Variants in PKDREJ observed in about 807,000 individuals in gnomAD.
PKDREJ encodes PKD and REJ homolog.
For synonymous variants in PKDREJ, 1,031 were observed against 1,095.5 expected (o/e 0.94, Z 1.16); for missense variants, 2,507 against 2,807.2 (o/e 0.89, Z 2.42).
Position 46,258,300 on chromosome 22 carries a change from C to G in PKDREJ, c.5023G>C (p.Asp1675His). 6.2e-7 allele frequency: 1 copy of G among 1,614,146 alleles called. No individual in the cohort carries two copies. Among genetic ancestry groups the G allele is most frequent in the Non-Finnish European group, 8.5e-7 (1 of 1,180,042 alleles). ...MHPEEMQRIH[D>H]QIVRIRGTRM... is the part of the protein sequence containing the mutation. ...GTGCCTCGGATTCGGACGATCTGGT[C>G]ATGTATCCTCTGCATTTCTTCTGGA... The change falls in exon 1 of 1, where the codon GAC becomes CAC. Residue 1675 changes from aspartate (D) to histidine (H), a missense_variant. Asp to His is a moderately conservative substitution (Grantham distance 81). Transcript: ENST00000253255. The surrounding 1 kb of genome is among the most constrained non-coding windows in gnomAD (Gnocchi z 6.1).
rs2147772952 is a variant in PKDREJ, at chr22:46,256,336, A to G, written c.*225T>C. The stretch of plus-strand genomic sequence containing the variant: ...AAAGGGAAATCAGTCCAGGAATCCC[A>G]CACTGTGATCCTGCTGTCTCCCCAG... On this transcript the variant is annotated 3_prime_UTR_variant, in exon 1 of 1. Coordinates refer to ENST00000253255, the MANE Select transcript of PKDREJ (RefSeq NM_006071.2). The surrounding 1 kb of genome is among the most constrained non-coding windows in gnomAD (Gnocchi z 5.3). 1 of 647,616 alleles carries G rather than the reference A, an allele frequency of 1.5e-6. No homozygotes were observed. The highest frequency in any genetic ancestry group is 2.5e-6 in the Non-Finnish European group (1 of 399,580). The allele number at this position is 647,616 out of a possible 1,614,324, so 40.1% of individuals were successfully genotyped here. A position where few individuals can be genotyped will look rare whatever the true frequency, so the allele number is the denominator to read the frequency against.
At position 46,260,988 on chromosome 22, in the gene PKDREJ, T is replaced by C. The variant is rs750827724; in HGVS notation, c.2335A>G (p.Met779Val). The change falls in exon 1 of 1, where the codon ATG (methionine) becomes GTG (valine). Residue 779 changes from methionine (M) to valine (V), a missense_variant. Transcript: ENST00000253255. The surrounding 1 kb of genome is among the most constrained non-coding windows in gnomAD (Gnocchi z 4.5). The part of the protein sequence containing the change: ...FTWDAQKRAT[M>V]RVWQANQALQ... ...GCTTGATTTGCTTGCCATACCCTCATGGTGGCACGTTTCTGAGCATCCCAA... is the reference window on the plus strand; with the variant it reads ...GCTTGATTTGCTTGCCATACCCTCACGGTGGCACGTTTCTGAGCATCCCAA... 9 of 1,614,096 alleles carry C rather than the reference T, an allele frequency of 5.6e-6. No homozygotes were observed. Among genetic ancestry groups the C allele is most frequent in the South Asian group, 1.1e-5 (1 of 91,084 alleles).
chr22:46,258,671 T>G lies in PKDREJ; in HGVS notation c.4652A>C (p.His1551Pro). 6.2e-7 allele frequency: 1 copy of G among 1,614,224 alleles called. No individual in the cohort carries two copies. Among genetic ancestry groups the G allele is most frequent in the South Asian group, 1.1e-5 (1 of 91,082 alleles). Residue 1551 changes from histidine to proline, a missense_variant, in exon 1 of 1, where the codon CAT becomes CCT. By Grantham distance (77) the His-to-Pro change is moderately conservative. Transcript: ENST00000253255. The surrounding 1 kb of genome is among the most constrained non-coding windows in gnomAD (Gnocchi z 6.1). ...CTTTTGGGAAGGGTGCTGTTCGGAA[T>G]GGACATCCTGATCATCTTCTATGTT... Reference protein sequence around the residue: ...NNNIEDDQDVHSEQHPSQKDL... With the variant: ...NNNIEDDQDVPSEQHPSQKDL...
At position 46,259,351 on chromosome 22, in the gene PKDREJ, A is replaced by C; in HGVS notation, c.3972T>G (p.Ile1324Met). ...GCCATTTCTGGCATATGAACAGCCA[A>C]ATGTGCCTGCTAAACAGATTTTCCA... ...IKVENLFSRH[I>M]WLFICQKWLS... Residue 1324 changes from isoleucine (I) to methionine (M), a missense_variant, in exon 1 of 1, where the codon ATT becomes ATG. Transcript: ENST00000253255. This position sits in a 1 kb window ranked among gnomAD's most constrained non-coding sequence, Gnocchi z 6.8. 1 of 1,614,210 alleles carries C rather than the reference A, an allele frequency of 6.2e-7. No homozygotes were observed. The highest frequency in any genetic ancestry group is 1.6e-4 in the Middle Eastern group (1 of 6,062).
At position 46,262,689 on chromosome 22, in the gene PKDREJ, T is replaced by C. The variant is rs1174358626; in HGVS notation, c.634A>G (p.Ile212Val). ...RAVESSVSCQ[I>V]NACVIQRVRI... ...ACGCGCTGGATGACGCAGGCGTTTA[T>C]CTGACAGGACACGGACGACTCGACG... Residue 212 changes from isoleucine (I) to valine (V), a missense_variant, in exon 1 of 1, where the codon ATA becomes GTA. Transcript: ENST00000253255. This position sits in a 1 kb window ranked among gnomAD's most constrained non-coding sequence, Gnocchi z 8.1. 1 of 1,613,116 alleles carries C rather than the reference T, an allele frequency of 6.2e-7. No homozygotes were observed. The highest frequency in any genetic ancestry group is 8.5e-7 in the Non-Finnish European group (1 of 1,179,754).
chr22:46,258,364 A>G lies in PKDREJ; in HGVS notation c.4959T>C (p.Tyr1653=), dbSNP rs754842412. The change falls in exon 1 of 1, where the codon TAT becomes TAC. Residue 1653 remains tyrosine, a synonymous_variant. Coordinates refer to ENST00000253255, the MANE Select transcript of PKDREJ (RefSeq NM_006071.2). This position sits in a 1 kb window ranked among gnomAD's most constrained non-coding sequence, Gnocchi z 6.1. ...CATCCAACCTGATCTCAGTATATTTATACTTGGTTGACCATGAAAGGTTTT... is the reference window on the plus strand; with the variant it reads ...CATCCAACCTGATCTCAGTATATTTGTACTTGGTTGACCATGAAAGGTTTT... ...YCKNLSWSTK[Y]KYTEIRLDGM... is the part of the protein sequence containing the mutation. 6.2e-7 allele frequency: 1 copy of G among 1,614,166 alleles called. No homozygotes were observed. Among genetic ancestry groups the G allele is most frequent in the Non-Finnish European group, 8.5e-7 (1 of 1,180,048 alleles).
At position 46,260,100 on chromosome 22, in the gene PKDREJ, A is replaced by G. The variant is rs762449335; in HGVS notation, c.3223T>C (p.Cys1075Arg). Residue 1075 changes from cysteine (C) to arginine (R), a missense_variant, in exon 1 of 1, where the codon TGT (cysteine) becomes CGT (arginine). Transcript: ENST00000253255. This position sits in a 1 kb window ranked among gnomAD's most constrained non-coding sequence, Gnocchi z 4.5. ...LIAQHSHSPH[C>R]TVSIVLQAPR... is the part of the protein sequence containing the mutation. ...GCCTGCAGAACTATGGATACAGTAC[A>G]GTGGGGAGAGTGGCTGTGCTGAGCT... 2.5e-6 allele frequency: 4 copies of G among 1,613,856 alleles called. No homozygotes were observed. The highest frequency in any genetic ancestry group is 3.4e-6 in the Non-Finnish European group (4 of 1,179,844).
In PKDREJ at chr22:46,263,003, G is replaced by A. The variant is rs1936717113; in HGVS notation, c.320C>T (p.Ala107Val). The A allele has an allele frequency of 4.0e-6, 5 of 1,250,780 alleles. No individual in the cohort carries two copies. The highest frequency in any genetic ancestry group is 3.2e-4 in the Middle Eastern group (1 of 3,124). The allele number at this position is 1,250,780 out of a possible 1,614,324, so 77.5% of individuals were successfully genotyped here. The change falls in exon 1 of 1, where the codon GCG becomes GTG. Residue 107 changes from alanine (A) to valine (V), a missense_variant. Coordinates refer to ENST00000253255, the MANE Select transcript of PKDREJ (RefSeq NM_006071.2). This position sits in a 1 kb window ranked among gnomAD's most constrained non-coding sequence, Gnocchi z 9.4. ...CAGGTCGACGAGCGCGAGCGCGGGC[G>A]CGGCCGGCCAGGGCAGGCGTTGGGC... ...LSAQRLPWPA[A>V]PALALVDLQL... is the part of the protein sequence containing the mutation.
chr22:46,258,124 G>C lies in PKDREJ; in HGVS notation c.5199C>G (p.His1733Gln), dbSNP rs1294211033. The C allele has an allele frequency of 1.2e-6, 2 of 1,613,992 alleles. No individual in the cohort carries two copies. The highest frequency in any genetic ancestry group is 2.2e-5 in the South Asian group (2 of 91,084). The change falls in exon 1 of 1, where the codon CAC becomes CAG. Residue 1733 changes from histidine to glutamine, a missense_variant. By Grantham distance (24) the His-to-Gln change is conservative. Coordinates refer to ENST00000253255, the MANE Select transcript of PKDREJ (RefSeq NM_006071.2). This position sits in a 1 kb window ranked among gnomAD's most constrained non-coding sequence, Gnocchi z 6.1. ...ACTGGTTATAGTAAAAGCAGTCAGT[G>C]TGACGTAGTAAGACGATAAGGATCA... ...LLLILIVLLR[H>Q]TDCFYYNQFI...
chr22:46,260,381 G>A lies in PKDREJ; in HGVS notation c.2942C>T (p.Thr981Met), dbSNP rs117787407. The A allele has an allele frequency of 1.9e-4, 303 of 1,614,162 alleles. No individual in the cohort carries two copies. The highest frequency in any genetic ancestry group is 2.3e-4 in the Non-Finnish European group (273 of 1,180,012). Reference protein sequence around the residue: ...NSEVDGSLKKTTGGFSFQVDS... With the variant: ...NSEVDGSLKKMTGGFSFQVDS... ...CACTTGAAAGCTAAACCCACCTGTC[G>A]TCTTCTTCAAGGACCCATCAACCTC... is the stretch of plus-strand genomic sequence containing the variant. Residue 981 changes from threonine (T) to methionine (M), a missense_variant, in exon 1 of 1, where the codon ACG (threonine) becomes ATG (methionine). By Grantham distance (81) the Thr-to-Met change is moderately conservative (BLOSUM62 -1). Transcript: ENST00000253255. The surrounding 1 kb of genome is among the most constrained non-coding windows in gnomAD (Gnocchi z 4.5).
At position 46,255,870 on chromosome 22, in the gene PKDREJ, T is replaced by C. The variant is rs1332211581; in HGVS notation, c.*691A>G. 1.3e-5 allele frequency: 2 copies of C among 152,308 alleles called. No individual in the cohort carries two copies. The highest frequency in any genetic ancestry group is 6.5e-5 in the Admixed American group (1 of 15,280). 9.4% of individuals were successfully genotyped at this position (152,308 alleles called of 1,614,324 possible). On this transcript the variant is annotated 3_prime_UTR_variant, in exon 1 of 1. Coordinates refer to ENST00000253255, the MANE Select transcript of PKDREJ (RefSeq NM_006071.2). ...TGCATATGTTGCTATATTCAGCATATAGACATATTTCAATGTGAACCCATA... is the reference window on the plus strand; with the variant it reads ...TGCATATGTTGCTATATTCAGCATACAGACATATTTCAATGTGAACCCATA...
Position 46,263,163 on chromosome 22 carries a change from G to A in PKDREJ, c.160C>T (p.Arg54Cys). The change falls in exon 1 of 1, where the codon CGC becomes TGC. Residue 54 changes from arginine (R) to cysteine (C), a missense_variant. Coordinates refer to ENST00000253255, the MANE Select transcript of PKDREJ (RefSeq NM_006071.2). This position sits in a 1 kb window ranked among gnomAD's most constrained non-coding sequence, Gnocchi z 9.4. The part of the protein sequence containing the change: ...GAPGLGVRGG[R>C]ALLSLRPSAV... ...CTGGGCCGCAGACTGAGGAGGGCGC[G>A]GCCGCCGCGCACCCCGAGGCCCGGG... is the stretch of plus-strand genomic sequence containing the variant. 8.0e-7 allele frequency: 1 copy of A among 1,249,108 alleles called. No homozygotes were observed. Among genetic ancestry groups the A allele is most frequent in the Non-Finnish European group, 1.0e-6 (1 of 1,000,240 alleles). 77.4% of individuals were successfully genotyped at this position (1,249,108 alleles called of 1,614,324 possible). A position where few individuals can be genotyped will look rare whatever the true frequency, so the allele number is the denominator to read the frequency against.
Position 46,262,262 on chromosome 22 carries a change from AG to A in PKDREJ, c.1060del (p.Leu354Ter). Reference protein sequence around the residue: ...ANITANFTEQLILDGSTSSDP... With the variant: ...ANITANFTEQXILDGSTSSDP... Reference sequence around the variant, plus strand: ...CGAGGACGTGGACCCGTCCAGAATCAGCTGCTCTGTGAAATTAGCTGTTATG... The same window carrying A: ...CGAGGACGTGGACCCGTCCAGAATCACTGCTCTGTGAAATTAGCTGTTATG... On this transcript the variant is annotated frameshift_variant, in exon 1 of 1. Coordinates refer to ENST00000253255, the MANE Select transcript of PKDREJ (RefSeq NM_006071.2). LOFTEE classifies it low-confidence loss of function (END_TRUNC). This position sits in a 1 kb window ranked among gnomAD's most constrained non-coding sequence, Gnocchi z 8.1. The A allele has an allele frequency of 1.2e-6, 2 of 1,614,202 alleles. No individual in the cohort carries two copies. The highest frequency in any genetic ancestry group is 1.7e-6 in the Non-Finnish European group (2 of 1,180,046).
In PKDREJ at chr22:46,261,443, G is replaced by T; in HGVS notation, c.1880C>A (p.Ser627Tyr). 1 of 1,614,110 alleles carries T rather than the reference G, an allele frequency of 6.2e-7. No individual in the cohort carries two copies. Among genetic ancestry groups the T allele is most frequent in the Non-Finnish European group, 8.5e-7 (1 of 1,180,022 alleles). Residue 627 changes from serine (S) to tyrosine (Y), a missense_variant, in exon 1 of 1, where the codon TCC becomes TAC. By Grantham distance (144) the Ser-to-Tyr change is moderately radical. Coordinates refer to ENST00000253255, the MANE Select transcript of PKDREJ (RefSeq NM_006071.2). This position sits in a 1 kb window ranked among gnomAD's most constrained non-coding sequence, Gnocchi z 7.1. ...LGTILYLGPQ[S>Y]TVPPSFLPVG... ...AGGGAGAAAGGAAGGGGGTACTGTGGACTGAGGCCCCAAGTACAGGATGGT... is the reference window on the plus strand; with the variant it reads ...AGGGAGAAAGGAAGGGGGTACTGTGTACTGAGGCCCCAAGTACAGGATGGT...
rs1380356238 is a variant in PKDREJ at position 46,262,846 on chromosome 22, C to G, written c.477G>C (p.Ala159=). The G allele has an allele frequency of 8.3e-7, 1 of 1,206,406 alleles. No individual in the cohort carries two copies. The highest frequency in any genetic ancestry group is 1.0e-6 in the Non-Finnish European group (1 of 964,290). The allele number at this position is 1,206,406 out of a possible 1,614,324, so 74.7% of individuals were successfully genotyped here. The change falls in exon 1 of 1, where the codon GCG becomes GCC. Residue 159 remains alanine, a synonymous_variant. Transcript: ENST00000253255. The surrounding 1 kb of genome is among the most constrained non-coding windows in gnomAD (Gnocchi z 8.1). ...CGGCGGAGCGCGGGGAGACGCGGGCCGCGGGGGAGGCCGGGCGGGCGGCGC... is the reference window on the plus strand; with the variant it reads ...CGGCGGAGCGCGGGGAGACGCGGGCGGCGGGGGAGGCCGGGCGGGCGGCGC... ...GPGAARPASP[A]ARVSPRSAAP...
rs768191805 is a variant in PKDREJ, at chr22:46,258,198, G to A, written c.5125C>T (p.Leu1709=). Residue 1709 remains leucine, a synonymous_variant, in exon 1 of 1, where the codon CTG becomes TTG. Transcript: ENST00000253255. The surrounding 1 kb of genome is among the most constrained non-coding windows in gnomAD (Gnocchi z 6.1). ...TGAGTTAGAATGTAACTCAGAAACAGGAGTGCTCTTCTCTTGATCCTCTTC... is the reference window on the plus strand; with the variant it reads ...TGAGTTAGAATGTAACTCAGAAACAAGAGTGCTCTTCTCTTGATCCTCTTC... The part of the protein sequence containing the change: ...RKKRIKRRAL[L]FLSYILTHFI... 3 of 1,614,158 alleles carry A rather than the reference G, an allele frequency of 1.9e-6. No individual in the cohort carries two copies. The highest frequency in any genetic ancestry group is 2.5e-6 in the Non-Finnish European group (3 of 1,180,002).
rs1340660104 is a variant in PKDREJ, at chr22:46,263,189, G to A, written c.134C>T (p.Ala45Val). 5 of 1,315,306 alleles carry A rather than the reference G, an allele frequency of 3.8e-6. No individual in the cohort carries two copies. In the African/African-American group the frequency reaches 7.9e-5, roughly 21 times the overall value. 81.5% of individuals were successfully genotyped at this position (1,315,306 alleles called of 1,614,324 possible). A position where few individuals can be genotyped will look rare whatever the true frequency, so the allele number is the denominator to read the frequency against. Residue 45 changes from alanine (A) to valine (V), a missense_variant, in exon 1 of 1, where the codon GCC becomes GTC. Physicochemically the swap from Ala to Val is moderately conservative, Grantham distance 64 (BLOSUM62 0). Coordinates refer to ENST00000253255, the MANE Select transcript of PKDREJ (RefSeq NM_006071.2). The surrounding 1 kb of genome is among the most constrained non-coding windows in gnomAD (Gnocchi z 9.4). ...GCCGCCGCGCACCCCGAGGCCCGGG[G>A]CGCCCCTGAGGAGGCCACCGGGCGC... ...SGAPGGLLRG[A>V]PGLGVRGGRA...
In PKDREJ at chr22:46,255,807, C is replaced by T. The variant is rs1936625969; in HGVS notation, c.*754G>A. 6.6e-6 allele frequency: 1 copy of T among 152,236 alleles called. No individual in the cohort carries two copies. The highest frequency in any genetic ancestry group is 1.5e-5 in the Non-Finnish European group (1 of 68,054). 9.4% of individuals were successfully genotyped at this position (152,236 alleles called of 1,614,324 possible). On this transcript the variant is annotated 3_prime_UTR_variant, in exon 1 of 1. Coordinates refer to ENST00000253255, the MANE Select transcript of PKDREJ (RefSeq NM_006071.2). ...CACATTTTCCTTATTCCTGAATAGTCCAGCACGCTATTAATAACCAAATGC... is the reference window on the plus strand; with the variant it reads ...CACATTTTCCTTATTCCTGAATAGTTCAGCACGCTATTAATAACCAAATGC...
chr22:46,261,985 C>T lies in PKDREJ; in HGVS notation c.1338G>A (p.Lys446=), dbSNP rs1417959722. ...TTGGTCCTTGGAGCACGTGGACCCT[C>T]TTATCAGAAAACGCTGTCCTAGAGT... The part of the protein sequence containing the change: ...RKDSRTAFSD[K]RVHVLQGPKA... The change falls in exon 1 of 1, where the codon AAG becomes AAA. Residue 446 remains lysine, a synonymous_variant. Coordinates refer to ENST00000253255, the MANE Select transcript of PKDREJ (RefSeq NM_006071.2). The surrounding 1 kb of genome is among the most constrained non-coding windows in gnomAD (Gnocchi z 7.1). 6.2e-7 allele frequency: 1 copy of T among 1,614,114 alleles called. No homozygotes were observed.
Sources: allele counts gnomAD v4.1 joint callset, GRCh38; gene constraint gnomAD v4.1.1; non-coding constraint Gnocchi (gnomAD v3.1); transcripts MANE v1.5; gene names NCBI Gene and HGNC (gene_info 2026-07-23, HGNC 2026-07-21).